Variants in SAXO2 observed in about 807,000 individuals in gnomAD.
SAXO2 encodes stabilizer of axonemal microtubules 2.
SAXO2 carries 17 observed loss-of-function variants against 18.7 expected under a neutral mutation model. That is an observed-to-expected ratio of 0.91 (90% confidence interval 0.62 to 1.36). The LOEUF (loss-of-function observed/expected upper bound fraction) is 1.36, where lower values mean the gene tolerates loss of function less well. Among genes scored for constraint, SAXO2 ranks in the 40% most tolerant of loss-of-function variants. The pLI is 0.00. For missense variants in SAXO2, 486 were observed against 562.6 expected, an observed-to-expected ratio of 0.86 and a Z score of 1.38; for synonymous variants, 163 against 181.2, an observed-to-expected ratio of 0.90 and a Z score of 0.81.
chr15:82,279,655 T>C (rs1475078309), intron 3 of SAXO2, among the ~76,000 whole-genome samples: 1 of 152,100 alleles, frequency 6.6e-6, no homozygotes, highest in Admixed American at 6.6e-5. Context: ...GATATGTAGA[T>C]TGAAAAAGCT....
chr15:82,278,255 G>A (rs1305740278), intron 3 of SAXO2, among the ~76,000 whole-genome samples: 1 of 152,216 alleles, frequency 6.6e-6, no homozygotes, highest in Non-Finnish European at 1.5e-5. Flanking sequence ...ACTACATCAA[G>A]TGAAAGGGCA....
intron 3 of SAXO2, among the ~76,000 whole-genome samples, chr15:82,279,523 T>C (rs2075344344): frequency 6.6e-6 from 1 of 152,098 alleles, no homozygotes; most frequent in African/African-American, 2.4e-5. Flanking sequence ...GACATCCAAA[T>C]AAAGATGTCT....
chr15:82,269,469 G>A (rs145386055), intron 2 of SAXO2, among the ~76,000 whole-genome samples: 2 of 152,286 alleles, frequency 1.3e-5, no homozygotes, highest in African/African-American at 2.4e-5. Context: ...AGGAAACAAC[G>A]GTGAGAGTTG....
In SAXO2 at chr15:82,265,741, A is replaced by G; in HGVS notation, c.226A>G (p.Thr76Ala). 2 of 1,525,560 alleles carry G rather than the reference A, an allele frequency of 1.3e-6. No individual in the cohort carries two copies. Among genetic ancestry groups the G allele is most frequent in the Non-Finnish European group, 1.8e-6 (2 of 1,142,482 alleles). 94.5% of individuals were successfully genotyped at this position (1,525,560 alleles called of 1,614,324 possible). The change falls in exon 2 of 4, where the codon ACA (threonine) becomes GCA (alanine). Residue 76 changes from threonine (T) to alanine (A), a missense_variant. Physicochemically the swap from Thr to Ala is moderately conservative, Grantham distance 58. Transcript: ENST00000682753. The part of the protein sequence containing the change: ...ACHGKMEGIT[T>A]FKSDYCPYEI... Reference sequence around the variant, plus strand: ...CCATGGTAAAATGGAAGGAATAACTACATTTAAGTAAATATTTAGTAACTA... The same window carrying G: ...CCATGGTAAAATGGAAGGAATAACTGCATTTAAGTAAATATTTAGTAACTA...
chr15:82,266,642 T>C (rs2075221157), intron 2 of SAXO2, among the ~76,000 whole-genome samples: 1 of 152,206 alleles, frequency 6.6e-6, no homozygotes, highest in African/African-American at 2.4e-5. Context: ...TTCCCTCTCC[T>C]AGCTAATGCT....
At chr15:82,265,345 T>A (rs775109008) in intron 1 of SAXO2, among the ~76,000 whole-genome samples, 5 of 152,202 alleles carry the variant, frequency 3.3e-5, no homozygotes, top group African/African-American at 4.8e-5. Flanking sequence ...GGTTTCACCG[T>A]GTTAGTCAGG....
intron 1 of SAXO2, among the ~76,000 whole-genome samples, chr15:82,264,165 G>A (rs2075182346): frequency 1.3e-5 from 2 of 150,432 alleles, no homozygotes; most frequent in South Asian, 4.2e-4. Flanking sequence ...CCGCCTCCCG[G>A]GTTCAAGCAA....
At position 82,283,739 on chromosome 15, in the gene SAXO2, A is replaced by C. The variant is rs898934010; in HGVS notation, c.*677A>C. ...GAGTCCAGTGGCATAATCACAGCTT[A>C]CTGCAGCCTCAGCCTCCTGAGCTCA... On this transcript the variant is annotated 3_prime_UTR_variant, in exon 4 of 4. Coordinates refer to ENST00000682753, the MANE Select transcript of SAXO2 (RefSeq NM_001348699.2). The C allele has an allele frequency of 2.0e-5, 3 of 152,378 alleles. No individual in the cohort carries two copies. The highest frequency in any genetic ancestry group is 2.9e-5 in the Non-Finnish European group (2 of 68,192). The allele number at this position is 152,378 out of a possible 1,614,324, so 9.4% of individuals were successfully genotyped here.
At chr15:82,268,741 T>G (rs1257526454) in intron 2 of SAXO2, among the ~76,000 whole-genome samples, 1 of 152,224 alleles carries the variant, frequency 6.6e-6, no homozygotes, top group Non-Finnish European at 1.5e-5. Context: ...ACTGCCAGAG[T>G]TGGCAGGAAG....
Position 82,275,954 on chromosome 15 carries a change from C to T in SAXO2, c.433+4152C>T, listed in dbSNP as rs115357362. ...GCATCCAAATAGGAAAAAAGGAAGTCGAATTATGTCTCTTCGCTGACAATG... is the reference window on the plus strand; with the variant it reads ...GCATCCAAATAGGAAAAAAGGAAGTTGAATTATGTCTCTTCGCTGACAATG... On this transcript the variant is annotated intron_variant, in intron 3 of 3. Coordinates refer to ENST00000682753, the MANE Select transcript of SAXO2 (RefSeq NM_001348699.2). 1.0e-2 allele frequency among the ~76,000 whole-genome samples: 1,521 copies of T among 152,130 alleles called. 26 individuals carry two copies. The highest frequency in any genetic ancestry group is 0.035 in the African/African-American group (1,446 of 41,508).
At chr15:82,279,710 A>G (rs968544670) in intron 3 of SAXO2, among the ~76,000 whole-genome samples, 1 of 152,166 alleles carries the variant, frequency 6.6e-6, no homozygotes, top group Non-Finnish European at 1.5e-5. Context: ...GTAGTTTCCA[A>G]TTCCTCGGTA....
chr15:82,271,528 C>A, intron 2 of SAXO2, 75 bp from the exon 3 acceptor site: 2 of 1,263,356 alleles, frequency 1.6e-6, no homozygotes, highest in South Asian at 1.6e-5. Context: ...AAAGCCTTGA[C>A]ATTTTCCATA....
chr15:82,273,674 C>T (rs919547096), intron 3 of SAXO2, among the ~76,000 whole-genome samples: 3 of 151,832 alleles, frequency 2.0e-5, no homozygotes, highest in South Asian at 2.1e-4. Flanking sequence ...GATTGATATG[C>T]GTAGGAGAAA....
At chr15:82,279,377 G>A (rs568900364) in intron 3 of SAXO2, among the ~76,000 whole-genome samples, 1 of 152,210 alleles carries the variant, frequency 6.6e-6, no homozygotes, top group South Asian at 2.1e-4. Context: ...ATGAGGGAGA[G>A]AAAGTCAATT....
At chr15:82,277,735 T>C (rs2141376182) in intron 3 of SAXO2, among the ~76,000 whole-genome samples, 1 of 152,354 alleles carries the variant, frequency 6.6e-6, no homozygotes, top group Middle Eastern at 3.4e-3. Flanking sequence ...AGGCAAGCAC[T>C]GTTTCACCCA....
chr15:82,263,289 C>G (rs547175154), intron 1 of SAXO2: 3 of 1,308,234 alleles, frequency 2.3e-6, no homozygotes, highest in Non-Finnish European at 3.2e-6. Flanking sequence ...TCCCCCACCA[C>G]GAAGATGAGA....
In SAXO2 at chr15:82,265,882, TAA is replaced by T. The variant is rs1022388794; in HGVS notation, c.233+135_233+136del. 2.4e-5 allele frequency: 12 copies of T among 505,110 alleles called. 1 individual carries two copies. The highest frequency in any genetic ancestry group is 6.2e-4 in the Middle Eastern group (2 of 3,226). 31.3% of individuals were successfully genotyped at this position (505,110 alleles called of 1,614,324 possible). A position where few individuals can be genotyped will look rare whatever the true frequency, so the allele number is the denominator to read the frequency against. On this transcript the variant is annotated intron_variant, in intron 2 of 3. Coordinates refer to ENST00000682753, the MANE Select transcript of SAXO2 (RefSeq NM_001348699.2). ...CCAATCTAATAGTCAAGAGACTAGT[TAA>T]GTCACAACTTGAAAAAAAAAAACAG...
At position 82,284,821 on chromosome 15, in the gene SAXO2, G is replaced by T. The variant is rs1296382911; in HGVS notation, c.*1759G>T. The T allele has an allele frequency of 6.6e-6, 1 of 152,062 alleles. No homozygotes were observed. Among genetic ancestry groups the T allele is most frequent in the African/African-American group, 2.4e-5 (1 of 41,374 alleles). 9.4% of individuals were successfully genotyped at this position (152,062 alleles called of 1,614,324 possible). ...AAATCAATATTTGGTTATTTTAATT[G>T]TTCAAAAGTAATTTGTTCTTTACAT... On this transcript the variant is annotated 3_prime_UTR_variant, in exon 4 of 4. Coordinates refer to ENST00000682753, the MANE Select transcript of SAXO2 (RefSeq NM_001348699.2).
chr15:82,275,417 G>A (rs992666468), intron 3 of SAXO2, among the ~76,000 whole-genome samples: 1 of 149,628 alleles, frequency 6.7e-6, no homozygotes, highest in Non-Finnish European at 1.5e-5. Flanking sequence ...ACTCCTCCCT[G>A]ACTCATTCTG....
Sources: allele counts gnomAD v4.1 joint callset (sites outside exome capture counted in the v4.1 genomes callset), GRCh38; gene constraint gnomAD v4.1.1; transcripts MANE v1.5; gene names NCBI Gene and HGNC (gene_info 2026-07-23, HGNC 2026-07-21).